Variants in SH3PXD2A observed in about 807,000 individuals in gnomAD.
SH3PXD2A encodes SH3 and PX domain-containing protein 2A.
Under a neutral mutation model 115.2 loss-of-function variants are expected in SH3PXD2A, and 32 were observed. That is an observed-to-expected ratio of 0.28 (90% CI 0.21 to 0.37). The LOEUF (loss-of-function observed/expected upper bound fraction) is 0.37, where lower values mean the gene tolerates loss of function less well. SH3PXD2A is among the 10% of genes least tolerant of loss of function. SH3PXD2A has a pLI of 1.00. For missense variants in SH3PXD2A, 1,328 were observed against 1,498.7 expected, an observed-to-expected ratio of 0.89 and a Z score of 1.88; for synonymous variants, 610 against 629.1, an observed-to-expected ratio of 0.97 and a Z score of 0.45.
chr10:103,838,338 T>G (rs993488735), intron 1 of SH3PXD2A, among the ~76,000 whole-genome samples: 1 of 152,206 alleles, frequency 6.6e-6, no homozygotes, highest in Non-Finnish European at 1.5e-5. Flanking sequence ...GCTTTTGCCA[T>G]CATCGGCATT....
chr10:103,607,516 C>T (rs1393146872), intron 13 of SH3PXD2A, among the ~76,000 whole-genome samples: 5 of 148,804 alleles, frequency 3.4e-5, no homozygotes, highest in African/African-American at 5.0e-5. Flanking sequence ...CCGCCCCGTC[C>T]GGGAGGGAGG....
At chr10:103,741,106 T>C (rs2038439656) in intron 3 of SH3PXD2A, among the ~76,000 whole-genome samples, 1 of 152,150 alleles carries the variant, frequency 6.6e-6, no homozygotes, top group Non-Finnish European at 1.5e-5. Context: ...ATTTAGAGAA[T>C]GGTCAAGGAA....
In SH3PXD2A at chr10:103,829,156, T is replaced by C. The variant is rs2039461275; in HGVS notation, c.72+26039A>G. 2.0e-5 allele frequency among the ~76,000 whole-genome samples: 3 copies of C among 152,332 alleles called. No individual in the cohort carries two copies. In the South Asian group the frequency reaches 6.2e-4, roughly 32 times the overall value. ...ACATAGACAGCACTTTTTAATGTTGTGATTTCAAGGGACTGTTTATTTAAT... is the reference window on the plus strand; with the variant it reads ...ACATAGACAGCACTTTTTAATGTTGCGATTTCAAGGGACTGTTTATTTAAT... On this transcript the variant is annotated intron_variant, in intron 1 of 14. Coordinates refer to ENST00000369774, the MANE Select transcript of SH3PXD2A (RefSeq NM_001394015.1).
At chr10:103,625,205 T>C (rs4918034) in intron 9 of SH3PXD2A, among the ~76,000 whole-genome samples, 149,411 of 152,374 alleles carry the variant, frequency 0.98, 73,274 homozygotes, top group East Asian at 1. Context: ...ACACCTCTCG[T>C]GCGCTTTCCT....
chr10:103,615,921 T>C (rs2133937355), intron 11 of SH3PXD2A, among the ~76,000 whole-genome samples: 1 of 151,758 alleles, frequency 6.6e-6, no homozygotes, highest in East Asian at 1.9e-4. Context: ...CTAGGGGCAC[T>C]GGCTTTGGAC....
Position 103,596,657 on chromosome 10 carries a change from A to ACTCTCT in SH3PXD2A, c.*5158_*5159insAGAGAG, listed in dbSNP as rs758931068. ...CAGACACACACACACACACACACACACACACACTCTCTCTCTCTCTCTCTC... is the reference window on the plus strand; with the variant it reads ...CAGACACACACACACACACACACACACTCTCTCACACACTCTCTCTCTCTCTCTCTC... On this transcript the variant is annotated 3_prime_UTR_variant, in exon 15 of 15. Transcript: ENST00000369774. The ACTCTCT allele has an allele frequency of 2.0e-4, 11 of 55,498 alleles. No homozygotes were observed. Among genetic ancestry groups the ACTCTCT allele is most frequent in the South Asian group, 1.1e-3 (1 of 952 alleles). 3.4% of individuals were successfully genotyped at this position (55,498 alleles called of 1,614,324 possible). A position where few individuals can be genotyped will look rare whatever the true frequency, so the allele number is the denominator to read the frequency against.
chr10:103,611,602 TGGA>T lies in SH3PXD2A; in HGVS notation c.1284_1286del (p.Pro430del), dbSNP rs1240330716. On this transcript the variant is annotated inframe_deletion, in exon 13 of 15. Transcript: ENST00000369774. ...ATACCAGGCTGGATTCTCTGCGTGG[TGGA>T]GGTCTTGTCCGTAGGTTCGGGGAGC... 6.2e-7 allele frequency: 1 copy of T among 1,613,990 alleles called. No individual in the cohort carries two copies. The highest frequency in any genetic ancestry group is 8.5e-7 in the Non-Finnish European group (1 of 1,179,984).
intron 5 of SH3PXD2A, among the ~76,000 whole-genome samples, chr10:103,702,183 T>C (rs1221787817): frequency 1.3e-5 from 2 of 152,116 alleles, no homozygotes; most frequent in East Asian, 3.9e-4. Context: ...CATCCATCCA[T>C]CATTCATCCA....
intron 5 of SH3PXD2A, among the ~76,000 whole-genome samples, chr10:103,709,879 G>A (rs1304693093): frequency 2.0e-5 from 3 of 152,236 alleles, no homozygotes; most frequent in Non-Finnish European, 4.4e-5. Flanking sequence ...GCCAAGGTGG[G>A]TGGATCACCT....
intron 1 of SH3PXD2A, among the ~76,000 whole-genome samples, chr10:103,837,770 T>G (rs2039559908): frequency 6.6e-6 from 1 of 152,104 alleles, no homozygotes; most frequent in Admixed American, 6.5e-5. Flanking sequence ...AGAGAAGTTG[T>G]GGATGTGAGG....
intron 7 of SH3PXD2A, chr10:103,661,881 C>G: frequency 2.0e-6 from 2 of 985,190 alleles, no homozygotes; most frequent in Non-Finnish European, 2.4e-6. Flanking sequence ...AAAGTCCCCG[C>G]GCCAGCGGCT....
intron 3 of SH3PXD2A, among the ~76,000 whole-genome samples, chr10:103,748,536 C>T (rs1029251463): frequency 2.6e-5 from 4 of 152,156 alleles, no homozygotes; most frequent in African/African-American, 7.2e-5. Flanking sequence ...TCCCTGCCCT[C>T]GCAAAGGATA....
intron 8 of SH3PXD2A, among the ~76,000 whole-genome samples, chr10:103,637,111 C>T (rs749158064): frequency 3.9e-5 from 6 of 152,222 alleles, no homozygotes; most frequent in South Asian, 4.1e-4. Context: ...GAGGACACTG[C>T]AGTGAACAAC....
At chr10:103,767,816 T>G (rs903816353) in intron 2 of SH3PXD2A, among the ~76,000 whole-genome samples, 17 of 148,486 alleles carry the variant, frequency 1.1e-4, no homozygotes, top group Middle Eastern at 3.4e-3. Flanking sequence ...TTTTGTTTTT[T>G]TTTTTTTTTT....
chr10:103,679,410 G>A (rs753174698), intron 6 of SH3PXD2A, among the ~76,000 whole-genome samples: 7 of 152,256 alleles, frequency 4.6e-5, no homozygotes, highest in Non-Finnish European at 7.3e-5. Flanking sequence ...CCTAGTACCA[G>A]TGTCCATTCA....
At position 103,627,772 on chromosome 10, in the gene SH3PXD2A, G is replaced by A. The variant is rs1327333504; in HGVS notation, c.605-570C>T. ...ACTGCATCCTCAGCTGATGCTTGACGATCATGGCCACGTGATAAAGCCTCA... is the reference window on the plus strand; with the variant it reads ...ACTGCATCCTCAGCTGATGCTTGACAATCATGGCCACGTGATAAAGCCTCA... On this transcript the variant is annotated intron_variant, in intron 8 of 14. Transcript: ENST00000369774. This position sits in a 1 kb window ranked among gnomAD's most constrained non-coding sequence, Gnocchi z 4.4. Among the ~76,000 whole-genome samples, 1 of 152,198 alleles carries A rather than the reference G, an allele frequency of 6.6e-6. No individual in the cohort carries two copies. The highest frequency in any genetic ancestry group is 2.4e-5 in the African/African-American group (1 of 41,454).
chr10:103,683,480 G>A (rs2037637859), intron 6 of SH3PXD2A, among the ~76,000 whole-genome samples: 1 of 152,014 alleles, frequency 6.6e-6, no homozygotes, highest in Non-Finnish European at 1.5e-5. Context: ...CTCTAGCCTG[G>A]GTGACAGAGC....
At chr10:103,776,559 G>A (rs75711056) in intron 2 of SH3PXD2A, among the ~76,000 whole-genome samples, 1,782 of 152,020 alleles carry the variant, frequency 0.012, 42 homozygotes, top group African/African-American at 0.041. Flanking sequence ...CACAGTCCTG[G>A]AGGCTAGAAG....
intron 3 of SH3PXD2A, among the ~76,000 whole-genome samples, chr10:103,747,672 C>CA (rs1477030415): frequency 2.6e-5 from 4 of 152,156 alleles, no homozygotes; most frequent in Non-Finnish European, 5.9e-5. Flanking sequence ...GGCTCTGAGA[C>CA]AGAGGAAAAG....
Sources: gnomAD v4.1 joint callset for allele counts (sites outside exome capture counted in the v4.1 genomes callset) on GRCh38, gnomAD v4.1.1 for gene constraint, Gnocchi (gnomAD v3.1) non-coding constraint, MANE v1.5 for transcripts, NCBI Gene and HGNC (gene_info 2026-07-23, HGNC 2026-07-21) for gene names.